The following KLHL5 variants were observed in gnomAD, a reference collection of about 807,000 sequenced individuals.
KLHL5 encodes the protein kelch-like protein 5.
A neutral mutation model predicts 77.7 loss-of-function variants in KLHL5; 48 were observed. That is an observed-to-expected ratio of 0.62 (90% CI 0.49 to 0.79). KLHL5 has a LOEUF of 0.79. KLHL5 is among the 30% of genes least tolerant of loss of function. The probability of loss-of-function intolerance (pLI) is 0.00; values close to 1 mark genes in which losing one functional copy is unlikely to be tolerated. For synonymous variants in KLHL5, 260 were observed against 297.0 expected (o/e 0.88, Z 1.28); for missense variants, 723 against 859.7 (o/e 0.84, Z 1.99).
chr4:39,068,032 C>G (rs1372783739), intron 1 of KLHL5, among the ~76,000 whole-genome samples: 2 of 152,012 alleles, frequency 1.3e-5, no homozygotes, highest in Non-Finnish European at 2.9e-5. Flanking sequence ...GGTTGCTTGC[C>G]TCTCTGTCTT....
At chr4:39,045,585 A>AT (rs1418340798) in intron 1 of KLHL5, among the ~76,000 whole-genome samples, 1 of 152,096 alleles carries the variant, frequency 6.6e-6, no homozygotes, top group African/African-American at 2.4e-5. Context: ...AGTGTGGAGA[A>AT]TAAGACGGGG....
intron 1 of KLHL5, among the ~76,000 whole-genome samples, chr4:39,055,575 A>C (rs1716952201): frequency 6.6e-6 from 1 of 152,224 alleles, no homozygotes; most frequent in Non-Finnish European, 1.5e-5. Flanking sequence ...TATATGTTCA[A>C]GTTAAAATAA....
At chr4:39,128,833 G>T (rs1723677242), downstream of KLHL5, among the ~76,000 whole-genome samples, 1 of 152,042 alleles carries the variant, frequency 6.6e-6, no homozygotes, top group Non-Finnish European at 1.5e-5. Flanking sequence ...AGGCGTGATG[G>T]TGTGCACCTC....
intron 8 of KLHL5, 97 bp downstream of exon 8, chr4:39,107,828 G>T: frequency 1.2e-6 from 1 of 851,596 alleles, no homozygotes. Flanking sequence ...TACTTACAGT[G>T]ATTTGAAGAA....
At chr4:39,083,716 A>T (rs1719817294) in intron 4 of KLHL5, among the ~76,000 whole-genome samples, 1 of 152,172 alleles carries the variant, frequency 6.6e-6, no homozygotes, top group South Asian at 2.1e-4. Flanking sequence ...ATCAGTTTAG[A>T]ATTTGAATAA....
chr4:39,070,079 C>G (rs1449479925), intron 1 of KLHL5, among the ~76,000 whole-genome samples: 1 of 152,118 alleles, frequency 6.6e-6, no homozygotes, highest in East Asian at 1.9e-4. Flanking sequence ...GAAAGTGACA[C>G]TTTTCCAAGA....
intron 7 of KLHL5, among the ~76,000 whole-genome samples, chr4:39,106,894 C>T (rs532149488): frequency 1.5e-4 from 20 of 132,916 alleles, no homozygotes; most frequent in Non-Finnish European, 2.8e-4. Flanking sequence ...GATGCCATCA[C>T]GCCTGGCTAA....
rs1486078266 is a variant in KLHL5 at position 39,126,126 on chromosome 4, TG to T, written c.*5061del. 3.3e-5 allele frequency among the ~76,000 whole-genome samples: 5 copies of T among 152,242 alleles called. No homozygotes were observed. The highest frequency in any genetic ancestry group is 2.0e-4 in the Admixed American group (3 of 15,282). ...TGGCAGGCATTCCACAAATGTTTTC[TG>T]AAAGTTGAAATAGACATCTTTTCAT... On this transcript the variant is annotated 3_prime_UTR_variant, in exon 11 of 11. Transcript: ENST00000504108.
Position 39,124,815 on chromosome 4 carries a change from A to AAAAAAAAAAAAAAAAAAC in KLHL5, c.*3760_*3761insAAAAAACAAAAAAAAAAA, listed in dbSNP as rs1723431262. On this transcript the variant is annotated 3_prime_UTR_variant, in exon 11 of 11. Coordinates refer to ENST00000504108, the MANE Select transcript of KLHL5 (RefSeq NM_015990.5). ...AAGCAACAACAGCAAAAAAAAAAAA[A>AAAAAAAAAAAAAAAAAAC]AAAAAAAAAAATCAAAATTAAAAGC... 6.9e-6 allele frequency among the ~76,000 whole-genome samples: 1 copy of AAAAAAAAAAAAAAAAAAC among 145,974 alleles called. No individual in the cohort carries two copies.
intron 8 of KLHL5, 148 bp from the exon 9 acceptor site, chr4:39,112,872 C>T (rs1197404247): frequency 4.6e-6 from 3 of 655,624 alleles, no homozygotes; most frequent in African/African-American, 3.6e-5. Context: ...TCAAACATAG[C>T]ATACTTTTTT....
chr4:39,088,508 A>C (rs932855481), intron 5 of KLHL5, among the ~76,000 whole-genome samples: 3 of 152,226 alleles, frequency 2.0e-5, no homozygotes, highest in Non-Finnish European at 4.4e-5. Context: ...ACCCAAGTAC[A>C]GTTCTGTGCC....
At position 39,122,476 on chromosome 4, in the gene KLHL5, T is replaced by C. The variant is rs928739565; in HGVS notation, c.*1410T>C. The stretch of plus-strand genomic sequence containing the variant: ...ATACAAAGACCTTCTCACTCAGCAG[T>C]CTTCACTCTTACTATTCCTGCCACT... On this transcript the variant is annotated 3_prime_UTR_variant, in exon 11 of 11. Coordinates refer to ENST00000504108, the MANE Select transcript of KLHL5 (RefSeq NM_015990.5). Among the ~76,000 whole-genome samples the C allele has an allele frequency of 5.9e-5, 9 of 152,074 alleles. No homozygotes were observed. The highest frequency in any genetic ancestry group is 1.2e-4 in the Non-Finnish European group (8 of 68,014).
At chr4:39,112,536 G>A in intron 8 of KLHL5, 1 of 161,566 alleles carries the variant, frequency 6.2e-6, no homozygotes, top group Non-Finnish European at 1.4e-5. Flanking sequence ...TGTGAAACAG[G>A]GATTCAAACA....
At chr4:39,049,133 C>T (rs1408177192) in intron 1 of KLHL5, among the ~76,000 whole-genome samples, 1 of 152,218 alleles carries the variant, frequency 6.6e-6, no homozygotes, top group Middle Eastern at 3.4e-3. Context: ...CTTCAGAGTC[C>T]CATGAGCTAA....
Position 39,062,449 on chromosome 4 carries a change from T to C in KLHL5, c.-204T>C. 1 of 1,542,760 alleles carries C rather than the reference T, an allele frequency of 6.5e-7. No individual in the cohort carries two copies. Among genetic ancestry groups the C allele is most frequent in the Non-Finnish European group, 8.7e-7 (1 of 1,149,710 alleles). On this transcript the variant is annotated 5_prime_UTR_variant, in exon 1 of 11. Transcript: ENST00000504108. ...ACGGAATGTTCCACCGTGTTTCATC[T>C]TTATTCATTATCCTTTGTTCTTTAA...
At chr4:39,089,792 GC>G (rs1293254636) in intron 5 of KLHL5, among the ~76,000 whole-genome samples, 8 of 152,170 alleles carry the variant, frequency 5.3e-5, no homozygotes, top group Non-Finnish European at 1.2e-4. Context: ...AAACTGTGGG[GC>G]TGGGGCCTGG....
Position 39,124,462 on chromosome 4 carries a change from A to C in KLHL5, c.*3396A>C, listed in dbSNP as rs969272092. 3.3e-5 allele frequency among the ~76,000 whole-genome samples: 5 copies of C among 152,168 alleles called. No individual in the cohort carries two copies. The highest frequency in any genetic ancestry group is 9.6e-5 in the African/African-American group (4 of 41,456). ...CAAAACAGTGTTGTGCTGGTATAAA[A>C]ATATATAAAGCAATAGAGTAGAATG... On this transcript the variant is annotated 3_prime_UTR_variant, in exon 11 of 11. Transcript: ENST00000504108.
At chr4:39,118,283 G>A (rs184509238) in intron 10 of KLHL5, among the ~76,000 whole-genome samples, 56 of 151,968 alleles carry the variant, frequency 3.7e-4, no homozygotes, top group African/African-American at 8.4e-4. Flanking sequence ...AAGTTAAACA[G>A]CTAACCCAAG....
intron 8 of KLHL5, chr4:39,112,684 C>T: frequency 4.1e-6 from 1 of 246,792 alleles, no homozygotes; most frequent in Non-Finnish European, 7.9e-6. Flanking sequence ...TATTTATACA[C>T]CATATTTTGT....
Sources: allele counts gnomAD v4.1 joint callset (sites outside exome capture counted in the v4.1 genomes callset), GRCh38; gene constraint gnomAD v4.1.1; transcripts MANE v1.5; gene names NCBI Gene and HGNC (gene_info 2026-07-23, HGNC 2026-07-21).